The following PITPNC1 variants were observed in gnomAD, a reference collection of about 807,000 sequenced individuals.
PITPNC1 encodes cytoplasmic phosphatidylinositol transfer protein 1.
A neutral mutation model predicts 44.7 loss-of-function variants in PITPNC1; 18 were observed. The ratio of observed to expected loss-of-function variants is 0.40; its 90% CI spans 0.28 to 0.60. PITPNC1 has a LOEUF of 0.60. Ranked by LOEUF, PITPNC1 falls within the 20% of genes least tolerant of loss-of-function variation. The probability of loss-of-function intolerance (pLI) is 0.39; values close to 1 mark genes in which losing one functional copy is unlikely to be tolerated. For missense variants in PITPNC1, 290 were observed against 418.4 expected (o/e 0.69, Z 2.68); for synonymous variants, 141 against 149.6 (o/e 0.94, Z 0.42).
intron 1 of PITPNC1, among the ~76,000 whole-genome samples, chr17:67,530,257 A>AT (rs369376949): frequency 1.3e-5 from 2 of 151,556 alleles, no homozygotes; most frequent in South Asian, 4.2e-4. Context: ...CACCTGGCTA[A>AT]TTTTTTTGTA....
At chr17:67,502,209 T>C (rs903375478) in intron 1 of PITPNC1, among the ~76,000 whole-genome samples, 9 of 152,134 alleles carry the variant, frequency 5.9e-5, no homozygotes, top group African/African-American at 2.2e-4. Context: ...AGTTGAACCA[T>C]AGCTTATGAA....
At chr17:67,447,892 C>CTCTT (rs1004222037) in intron 1 of PITPNC1, among the ~76,000 whole-genome samples, 37 of 147,394 alleles carry the variant, frequency 2.5e-4, no homozygotes, top group African/African-American at 6.4e-4. Flanking sequence ...TCCCAGCTAT[C>CTCTT]TCTTTCTTTC....
chr17:67,425,243 A>G (rs2038743282), intron 1 of PITPNC1, among the ~76,000 whole-genome samples: 4 of 140,654 alleles, frequency 2.8e-5, no homozygotes, highest in Admixed American at 7.2e-5. Flanking sequence ...ACACACACAC[A>G]CACACACACA....
intron 1 of PITPNC1, among the ~76,000 whole-genome samples, chr17:67,462,313 C>T (rs1484948136): frequency 1.4e-5 from 2 of 142,554 alleles, no homozygotes; most frequent in African/African-American, 5.3e-5. Context: ...CTCACTACAA[C>T]CTCTGCCTCC....
At chr17:67,668,319 C>T (rs1193447761) in intron 6 of PITPNC1, among the ~76,000 whole-genome samples, 1 of 152,178 alleles carries the variant, frequency 6.6e-6, no homozygotes, top group Non-Finnish European at 1.5e-5. Context: ...GCCATTTGTT[C>T]TTTTTCATTG....
chr17:67,480,998 G>A (rs1405970069), intron 1 of PITPNC1, among the ~76,000 whole-genome samples: 2 of 152,200 alleles, frequency 1.3e-5, no homozygotes, highest in Non-Finnish European at 2.9e-5. Flanking sequence ...CCTGACATCA[G>A]GAGTTCGAGA....
At chr17:67,632,582 T>TC (rs1012360433) in intron 6 of PITPNC1, among the ~76,000 whole-genome samples, 3 of 150,656 alleles carry the variant, frequency 2.0e-5, no homozygotes, top group African/African-American at 4.9e-5. Context: ...TTTTTTTTTT[T>TC]TTTCTTTTTT....
Position 67,632,529 on chromosome 17 carries a change from G to A in PITPNC1, c.462+291G>A, listed in dbSNP as rs2041983836. The A allele has an allele frequency of 2.7e-5, 9 of 330,182 alleles. No homozygotes were observed. In the East Asian group the frequency reaches 4.5e-4, roughly 17 times the overall value. 20.5% of individuals were successfully genotyped at this position (330,182 alleles called of 1,614,324 possible). A position where few individuals can be genotyped will look rare whatever the true frequency, so the allele number is the denominator to read the frequency against. The stretch of plus-strand genomic sequence containing the variant: ...TAGGGCTGGACCATCCAACACACTG[G>A]CCTTGCTGAAAAACAACAGTCTCCC... On this transcript the variant is annotated intron_variant, in intron 6 of 8. Transcript: ENST00000581322.
chr17:67,396,206 C>A (rs1172882860), intron 1 of PITPNC1, among the ~76,000 whole-genome samples: 1 of 152,084 alleles, frequency 6.6e-6, no homozygotes, highest in Non-Finnish European at 1.5e-5. Flanking sequence ...ATGGAATAAT[C>A]CCCTTAAGCC....
intron 1 of PITPNC1, among the ~76,000 whole-genome samples, chr17:67,462,287 G>A (rs1398705874): frequency 2.9e-5 from 4 of 140,078 alleles, no homozygotes; most frequent in Admixed American, 7.5e-5. Context: ...GCTGGAGTGC[G>A]GTGGTGGGAT....
chr17:67,465,616 C>G (rs1014819982), intron 1 of PITPNC1, among the ~76,000 whole-genome samples: 1 of 152,096 alleles, frequency 6.6e-6, no homozygotes, highest in Non-Finnish European at 1.5e-5. Flanking sequence ...AGCCCCTGCA[C>G]TGGATAGCCT....
At chr17:67,596,215 A>G (rs1195673509) in intron 5 of PITPNC1, among the ~76,000 whole-genome samples, 1 of 152,226 alleles carries the variant, frequency 6.6e-6, no homozygotes, top group Non-Finnish European at 1.5e-5. Context: ...TGAATTTTCT[A>G]GTAACTTAAT....
At chr17:67,513,495 A>G (rs961859080) in intron 1 of PITPNC1, among the ~76,000 whole-genome samples, 36 of 144,580 alleles carry the variant, frequency 2.5e-4, no homozygotes, top group Middle Eastern at 3.6e-3. Context: ...GTGTGTATAT[A>G]TATATATATA....
intron 5 of PITPNC1, among the ~76,000 whole-genome samples, chr17:67,593,722 A>G (rs1306665002): frequency 6.6e-6 from 1 of 152,112 alleles, no homozygotes; most frequent in Non-Finnish European, 1.5e-5. Flanking sequence ...CTTGATATTG[A>G]TCTTTTGAGT....
chr17:67,422,715 T>G (rs907278017), intron 1 of PITPNC1, among the ~76,000 whole-genome samples: 4 of 152,106 alleles, frequency 2.6e-5, no homozygotes, highest in South Asian at 2.1e-4. Context: ...AATTTTTGTA[T>G]TTTTAGTAGG....
At chr17:67,619,082 A>C (rs954652282) in intron 5 of PITPNC1, among the ~76,000 whole-genome samples, 1 of 152,134 alleles carries the variant, frequency 6.6e-6, no homozygotes, top group Non-Finnish European at 1.5e-5. Flanking sequence ...ATAAAAATAA[A>C]AAATAAAAAC....
At chr17:67,615,476 C>T (rs1456776385) in intron 5 of PITPNC1, among the ~76,000 whole-genome samples, 1 of 152,148 alleles carries the variant, frequency 6.6e-6, no homozygotes, top group Non-Finnish European at 1.5e-5. Flanking sequence ...GTGGCCACCC[C>T]ACCGCACGAG....
At chr17:67,624,028 A>G (rs752263401) in intron 5 of PITPNC1, among the ~76,000 whole-genome samples, 19 of 152,158 alleles carry the variant, frequency 1.2e-4, no homozygotes, top group Admixed American at 3.3e-4. Flanking sequence ...ATCACCACAC[A>G]GCACGTAATA....
chr17:67,428,031 T>C (rs2038798117), intron 1 of PITPNC1, among the ~76,000 whole-genome samples: 1 of 152,200 alleles, frequency 6.6e-6, no homozygotes, highest in Non-Finnish European at 1.5e-5. Context: ...TTGCCCACGC[T>C]AGAGTGCAGT....
Sources: gnomAD v4.1 joint callset for allele counts (sites outside exome capture counted in the v4.1 genomes callset) on GRCh38, gnomAD v4.1.1 for gene constraint, MANE v1.5 for transcripts, NCBI Gene and HGNC (gene_info 2026-07-23, HGNC 2026-07-21) for gene names.